Variants in TBCA observed in about 807,000 individuals in gnomAD.
TBCA encodes the protein tubulin folding cofactor A.
In TBCA, 6 loss-of-function variants were observed where a neutral mutation model predicts 15.8. The ratio of observed to expected loss-of-function variants is 0.38; its 90% CI spans 0.21 to 0.75. TBCA has a LOEUF of 0.75. Ranked by LOEUF, TBCA falls within the 30% of genes least tolerant of loss-of-function variation. The pLI, the probability that TBCA is intolerant of heterozygous loss-of-function variation, is 0.46. For synonymous variants in TBCA, 32 were observed against 42.3 expected (o/e 0.76, Z 0.94); for missense variants, 90 against 131.2 (o/e 0.69, Z 1.53).
At chr5:77,722,466 T>C (rs2112457529) in intron 1 of TBCA, among the ~76,000 whole-genome samples, 1 of 152,060 alleles carries the variant, frequency 6.6e-6, no homozygotes, top group South Asian at 2.1e-4. Flanking sequence ...TATGAACAAA[T>C]AAAGTTTTGG....
At chr5:77,715,442 G>A in intron 1 of TBCA, 2 of 543,568 alleles carry the variant, frequency 3.7e-6, no homozygotes, top group Non-Finnish European at 6.5e-6. Context: ...TAGATTCTAA[G>A]GAACAGAGAC....
At chr5:77,699,636 A>G (rs1745961875) in intron 2 of TBCA, among the ~76,000 whole-genome samples, 1 of 152,084 alleles carries the variant, frequency 6.6e-6, no homozygotes, top group African/African-American at 2.4e-5. Context: ...ACTTTTAGGG[A>G]AAAAAATAGA....
At chr5:77,727,388 G>T (rs1407695458) in intron 1 of TBCA, among the ~76,000 whole-genome samples, 1 of 152,116 alleles carries the variant, frequency 6.6e-6, no homozygotes, top group Non-Finnish European at 1.5e-5. Flanking sequence ...AGTGGAAACT[G>T]ATCTTACCAT....
chr5:77,755,462 A>T (rs1471290602), intron 1 of TBCA, among the ~76,000 whole-genome samples: 2 of 152,152 alleles, frequency 1.3e-5, no homozygotes, highest in African/African-American at 4.8e-5. Context: ...CTGTAATCCC[A>T]GCTACTCAGG....
chr5:77,774,980 T>TAAA (rs60670191), intron 1 of TBCA, among the ~76,000 whole-genome samples: 1 of 143,382 alleles, frequency 7.0e-6, no homozygotes. Flanking sequence ...CTACAAAGAT[T>TAAA]AAAAAAAAAA....
intron 2 of TBCA, 98 bp downstream of exon 2, chr5:77,708,144 A>G: frequency 3.9e-6 from 3 of 763,204 alleles, no homozygotes; most frequent in Non-Finnish European, 6.1e-6. Context: ...AGAAGTAAAT[A>G]ATAATATAAT....
intron 1 of TBCA, among the ~76,000 whole-genome samples, chr5:77,733,748 C>T (rs1746830612): frequency 6.6e-6 from 1 of 152,230 alleles, no homozygotes; most frequent in South Asian, 2.1e-4. Flanking sequence ...TAGCTAAGAT[C>T]ACTGATGAAG....
intron 1 of TBCA, among the ~76,000 whole-genome samples, chr5:77,759,864 A>C (rs1484702674): frequency 6.6e-6 from 1 of 152,124 alleles, no homozygotes; most frequent in East Asian, 1.9e-4. Flanking sequence ...AATTAGTAAA[A>C]ATTCAGAATT....
chr5:77,756,972 A>G (rs1394324740), intron 1 of TBCA, among the ~76,000 whole-genome samples: 3 of 152,238 alleles, frequency 2.0e-5, no homozygotes, highest in Admixed American at 2.0e-4. Context: ...GGTAAGGAGC[A>G]ATAGAGTGTA....
chr5:77,749,335 G>A (rs1747261640), intron 1 of TBCA, among the ~76,000 whole-genome samples: 1 of 152,112 alleles, frequency 6.6e-6, no homozygotes, highest in African/African-American at 2.4e-5. Context: ...TAATAATACT[G>A]CATCTTTACA....
At chr5:77,691,766 T>A (rs545593259) in intron 3 of TBCA, 2 of 1,077,260 alleles carry the variant, frequency 1.9e-6, no homozygotes, top group South Asian at 4.0e-5. Flanking sequence ...CTACCAGCAT[T>A]AATTAAATAA....
intron 1 of TBCA, 89 bp from the exon 2 acceptor site, chr5:77,708,436 T>TA (rs1580097988): frequency 2.7e-6 from 2 of 742,220 alleles, no homozygotes; most frequent in East Asian, 2.8e-5. Flanking sequence ...ATATTATATT[T>TA]AAAATACCAA....
intron 1 of TBCA, among the ~76,000 whole-genome samples, chr5:77,758,153 T>G (rs1247140865): frequency 6.6e-6 from 1 of 152,168 alleles, no homozygotes; most frequent in East Asian, 1.9e-4. Flanking sequence ...TATGTTGGCA[T>G]GAGGGAAGAG....
At chr5:77,715,485 T>C (rs1746376297) in intron 1 of TBCA, among the ~76,000 whole-genome samples, 1 of 152,078 alleles carries the variant, frequency 6.6e-6, no homozygotes. Context: ...ATTAATGATA[T>C]AATAAAGAAG....
At chr5:77,776,124 C>G in intron 1 of TBCA, 81 bp downstream of exon 1, 1 of 1,528,248 alleles carries the variant, frequency 6.5e-7, no homozygotes, top group South Asian at 1.2e-5. Context: ...CGGGCCTCCT[C>G]GGGCCTGCGC....
chr5:77,728,613 CTT>C (rs1746685286), intron 1 of TBCA, among the ~76,000 whole-genome samples: 2 of 152,046 alleles, frequency 1.3e-5, no homozygotes, highest in Non-Finnish European at 2.9e-5. Context: ...CAGCAATAAA[CTT>C]GTGTGTTAAA....
intron 1 of TBCA, among the ~76,000 whole-genome samples, chr5:77,774,160 A>G (rs1747970126): frequency 6.6e-6 from 1 of 152,230 alleles, no homozygotes; most frequent in Non-Finnish European, 1.5e-5. Flanking sequence ...TTTTGTAACA[A>G]TAAGACACCA....
At chr5:77,731,766 T>C (rs1238808598) in intron 1 of TBCA, among the ~76,000 whole-genome samples, 4 of 152,326 alleles carry the variant, frequency 2.6e-5, no homozygotes, top group Non-Finnish European at 5.9e-5. Flanking sequence ...TAATCGCCTA[T>C]CAATCTTTTC....
chr5:77,719,409 C>G (rs554058013), intron 1 of TBCA, among the ~76,000 whole-genome samples: 42 of 152,178 alleles, frequency 2.8e-4, no homozygotes, highest in Non-Finnish European at 4.9e-4. Context: ...GGCAACCCAC[C>G]ACCTACACAC....
Sources: allele counts gnomAD v4.1 joint callset (sites outside exome capture counted in the v4.1 genomes callset), GRCh38; gene constraint gnomAD v4.1.1; transcripts MANE v1.5; gene names NCBI Gene and HGNC (gene_info 2026-07-23, HGNC 2026-07-21).